Variants in SARDH observed in about 807,000 individuals in gnomAD.
SARDH encodes the protein sarcosine dehydrogenase.
Under a neutral mutation model 109.1 loss-of-function variants are expected in SARDH, and 95 were observed. The ratio of observed to expected loss-of-function variants is 0.87; its 90% CI spans 0.74 to 1.03. The LOEUF (loss-of-function observed/expected upper bound fraction) is 1.03. Ranked by LOEUF, SARDH falls within the 50% of genes least tolerant of loss-of-function variation. The pLI is 0.00. For synonymous variants in SARDH, 572 were observed against 534.8 expected (o/e 1.07, Z -0.96); for missense variants, 1,267 against 1,287.8 (o/e 0.98, Z 0.25).
At chr9:133,676,580 G>A (rs1278610414) in intron 17 of SARDH, among the ~76,000 whole-genome samples, 2 of 152,230 alleles carry the variant, frequency 1.3e-5, no homozygotes, top group African/African-American at 4.8e-5. Context: ...CAGGAACAGA[G>A]GTGCCAGGGG....
chr9:133,731,504 G>C lies in SARDH; in HGVS notation c.511-20C>G. On this transcript the variant is annotated intron_variant, in intron 3 of 20. Transcript: ENST00000439388. ...GCCCAGCTAGGGGGACCCAGGGGAG[G>C]TTAACTGAGTCCGTGGGGAGCAGAC... is the stretch of plus-strand genomic sequence containing the variant. The C allele has an allele frequency of 6.2e-7, 1 of 1,612,794 alleles. No individual in the cohort carries two copies.
rs1469772379 is a variant in SARDH, at chr9:133,713,097, A to C, written c.1178T>G (p.Leu393Arg). The C allele has an allele frequency of 4.3e-6, 7 of 1,613,436 alleles. No individual in the cohort carries two copies. The highest frequency in any genetic ancestry group is 1.1e-5 in the South Asian group (1 of 90,952). The part of the protein sequence containing the change: ...PESFTPDHKP[L>R]MGEAPELRGF... ...TCGGAGCTCAGGTGCCTCCCCCATC[A>C]GGGGCTTGTGGTCGGGCGTGAAGGA... Residue 393 changes from leucine (L) to arginine (R), a missense_variant, in exon 9 of 21, where the codon CTG becomes CGG. Leu to Arg is a moderately radical substitution (Grantham distance 102). Transcript: ENST00000439388.
intron 19 of SARDH, among the ~76,000 whole-genome samples, chr9:133,667,862 G>A (rs73662178): frequency 0.013 from 1,982 of 152,218 alleles, 61 homozygotes; most frequent in African/African-American, 0.044. Context: ...ACGTGAGGAC[G>A]CTGAGGCCCC....
At position 133,709,915 on chromosome 9, in the gene SARDH, G is replaced by C. The variant is rs937403958; in HGVS notation, c.1329-1487C>G. On this transcript the variant is annotated intron_variant, in intron 10 of 20. Transcript: ENST00000439388. This position sits in a 1 kb window ranked among gnomAD's most constrained non-coding sequence, Gnocchi z 4.2. The stretch of plus-strand genomic sequence containing the variant: ...CTATGCTGACCAGGAGCTGAAGGAG[G>C]GGGTGATGGAGCCAGTGAAGGTCTG... Among the ~76,000 whole-genome samples, 13 of 152,152 alleles carry C rather than the reference G, an allele frequency of 8.5e-5. No homozygotes were observed. The highest frequency in any genetic ancestry group is 3.1e-4 in the African/African-American group (13 of 41,416).
At position 133,735,204 on chromosome 9, in the gene SARDH, A is replaced by G. The variant is rs773760507; in HGVS notation, c.-30-1001T>C. On this transcript the variant is annotated intron_variant, in intron 1 of 20. Coordinates refer to ENST00000439388, the MANE Select transcript of SARDH (RefSeq NM_001134707.2). ...CCCAGACAAGAGGGGTTGCCCCCTC[A>G]TCAGCCCCAAAGCTCGGTGGGACTA... 1.6e-4 allele frequency among the ~76,000 whole-genome samples: 24 copies of G among 152,184 alleles called. 1 individual carries two copies. The highest frequency in any genetic ancestry group is 2.4e-4 in the Non-Finnish European group (16 of 68,020).
intron 17 of SARDH, among the ~76,000 whole-genome samples, chr9:133,673,827 A>G (rs533314641): frequency 1.3e-5 from 2 of 152,164 alleles, no homozygotes; most frequent in African/African-American, 2.4e-5. Context: ...CGGCCCTCCA[A>G]TTGCGGATCC....
rs368835722 is a variant in SARDH at position 133,718,741 on chromosome 9, G to A, written c.1020+197C>T. The A allele has an allele frequency of 1.3e-6, 1 of 780,122 alleles. No homozygotes were observed. Among genetic ancestry groups the A allele is most frequent in the Non-Finnish European group, 2.4e-6 (1 of 418,540 alleles). 48.3% of individuals were successfully genotyped at this position (780,122 alleles called of 1,614,324 possible). A position where few individuals can be genotyped will look rare whatever the true frequency, so the allele number is the denominator to read the frequency against. On this transcript the variant is annotated intron_variant, in intron 7 of 20. Coordinates refer to ENST00000439388, the MANE Select transcript of SARDH (RefSeq NM_001134707.2). This position sits in a 1 kb window ranked among gnomAD's most constrained non-coding sequence, Gnocchi z 4.2. ...GAGGCAAAGCCCTCCAGCTGCCCTG[G>A]GTCTGTATTTGACTGCCTGCCAGGA...
intron 11 of SARDH, among the ~76,000 whole-genome samples, chr9:133,705,379 AC>A (rs1831655313): frequency 5.0e-5 from 1 of 20,118 alleles, no homozygotes; most frequent in Admixed American, 5.2e-4. Context: ...ATTAATTACC[AC>A]CTGCCCCATC....
rs759749214 is a variant in SARDH at position 133,734,026 on chromosome 9, G to C, written c.148C>G (p.Gln50Glu). 6.2e-6 allele frequency: 10 copies of C among 1,613,264 alleles called. No individual in the cohort carries two copies. Among genetic ancestry groups the C allele is most frequent in the Non-Finnish European group, 7.6e-6 (9 of 1,179,958 alleles). Residue 50 changes from glutamine to glutamate, a missense_variant, in exon 2 of 21, where the codon CAG becomes GAG. Coordinates refer to ENST00000439388, the MANE Select transcript of SARDH (RefSeq NM_001134707.2). ...CCTTGGGCCACCACCGAGGTGCCCT[G>C]TCCCTCCTTCAGGGTCCGCTGATAT... ...VPYQRTLKEG[Q>E]GTSVVAQGPS...
At position 133,709,996 on chromosome 9, in the gene SARDH, G is replaced by A. The variant is rs1406017404; in HGVS notation, c.1329-1568C>T. ...ACGTCGGGTGGCAGGAGCAGCGAGT[G>A]ACCTACAGAGTCCCAGCTGCCAATT... On this transcript the variant is annotated intron_variant, in intron 10 of 20. Transcript: ENST00000439388. The surrounding 1 kb of genome is among the most constrained non-coding windows in gnomAD (Gnocchi z 4.2). 6.6e-6 allele frequency among the ~76,000 whole-genome samples: 1 copy of A among 152,188 alleles called. No homozygotes were observed. Among genetic ancestry groups the A allele is most frequent in the Non-Finnish European group, 1.5e-5 (1 of 68,036 alleles).
chr9:133,733,270 G>A (rs1832749785), intron 2 of SARDH, among the ~76,000 whole-genome samples: 1 of 152,196 alleles, frequency 6.6e-6, no homozygotes, highest in Admixed American at 6.5e-5. Context: ...TATTGGCCAG[G>A]GTGGGAGTGT....
intron 6 of SARDH, among the ~76,000 whole-genome samples, chr9:133,722,737 C>T (rs1394913275): frequency 6.6e-6 from 1 of 151,692 alleles, no homozygotes; most frequent in Non-Finnish European, 1.5e-5. Flanking sequence ...TGCAGTGGTG[C>T]CATCTCAACT....
chr9:133,720,374 G>A (rs954505325), intron 6 of SARDH, among the ~76,000 whole-genome samples: 17 of 152,192 alleles, frequency 1.1e-4, no homozygotes, highest in African/African-American at 4.1e-4. Context: ...GTTGCAGTGA[G>A]CCAAGATTGC....
rs1214484379 is a variant in SARDH, at chr9:133,730,098, A to G, written c.780T>C (p.Gly260=). 3.1e-6 allele frequency: 5 copies of G among 1,614,068 alleles called. No homozygotes were observed. In the Admixed American group the frequency reaches 8.3e-5, roughly 27 times the overall value. The change falls in exon 5 of 21, where the codon GGT becomes GGC. Residue 260 remains glycine, a synonymous_variant. Coordinates refer to ENST00000439388, the MANE Select transcript of SARDH (RefSeq NM_001134707.2). ...RRVAGVETQH[G]SIQTPCVVNC... is the part of the protein sequence containing the mutation. The stretch of plus-strand genomic sequence containing the variant: ...TGACCACGCAGGGTGTCTGGATGGA[A>G]CCATGCTGAGTCTCCACACCCGCGA...
rs761004744 is a variant in SARDH at position 133,690,332 on chromosome 9, G to A, written c.2069+48C>T. On this transcript the variant is annotated intron_variant, in intron 16 of 20. Transcript: ENST00000439388. ...CCCAAGGGCCTGTTGGAGGACCTGGGTCCAGGCAGCAGGTGCACCCAGGGG... is the reference window on the plus strand; with the variant it reads ...CCCAAGGGCCTGTTGGAGGACCTGGATCCAGGCAGCAGGTGCACCCAGGGG... The A allele has an allele frequency of 3.8e-6, 6 of 1,585,842 alleles. No homozygotes were observed. In the East Asian group the frequency reaches 1.4e-4, roughly 36 times the overall value.
At chr9:133,690,941 C>A (rs1210562280) in intron 15 of SARDH, among the ~76,000 whole-genome samples, 4 of 152,156 alleles carry the variant, frequency 2.6e-5, no homozygotes, top group Non-Finnish European at 4.4e-5. Context: ...CAACATCTGG[C>A]CCCACAGGGC....
At position 133,670,712 on chromosome 9, in the gene SARDH, G is replaced by A. The variant is rs139852037; in HGVS notation, c.2367C>T (p.Ser789=). 10 of 1,601,694 alleles carry A rather than the reference G, an allele frequency of 6.2e-6. No individual in the cohort carries two copies. The African/African-American group carries it at 1.2e-4, about 19-fold the overall frequency. ...TGAAGGCCAGGCCTGCCTCCAGGGG[G>A]CTGTCGTCTGGCCGCAGGTCCGCGT... ...HWHADLRPDD[S]PLEAGLAFTC... Residue 789 remains serine (S), a synonymous_variant, in exon 19 of 21, where the codon AGC becomes AGT. Transcript: ENST00000439388.
At chr9:133,714,243 C>T (rs1045575327) in intron 8 of SARDH, among the ~76,000 whole-genome samples, 5 of 152,210 alleles carry the variant, frequency 3.3e-5, no homozygotes. Flanking sequence ...AGGGCCCCCA[C>T]GCTAGGAGCT....
intron 1 of SARDH, among the ~76,000 whole-genome samples, chr9:133,736,248 C>T (rs1418799475): frequency 6.6e-6 from 1 of 152,194 alleles, no homozygotes; most frequent in Non-Finnish European, 1.5e-5. Context: ...CAGGAGCAGC[C>T]CCCCGCCTGG....
Sources: allele counts gnomAD v4.1 joint callset (sites outside exome capture counted in the v4.1 genomes callset), GRCh38; gene constraint gnomAD v4.1.1; non-coding constraint Gnocchi (gnomAD v3.1); transcripts MANE v1.5; gene names NCBI Gene and HGNC (gene_info 2026-07-23, HGNC 2026-07-21).